The following NCAM1 variants were observed in gnomAD, a reference collection of about 807,000 sequenced individuals.
NCAM1 encodes the protein antigen recognized by monoclonal antibody 5.1H11.
NCAM1 carries 14 observed loss-of-function variants against 109.8 expected under a neutral mutation model. The observed-to-expected ratio is 0.13, with a 90% confidence interval of 0.08 to 0.20. The LOEUF (loss-of-function observed/expected upper bound fraction) is 0.20, where lower values mean the gene tolerates loss of function less well. NCAM1 is among the 10% of genes least tolerant of loss of function. NCAM1 has a pLI of 1.00. For missense variants in NCAM1, 774 were observed against 1,109.9 expected (o/e 0.70, Z 4.30); for synonymous variants, 418 against 442.9 (o/e 0.94, Z 0.70).
intron 1 of NCAM1, among the ~76,000 whole-genome samples, chr11:113,162,439 A>G (rs1330957728): frequency 1.3e-5 from 2 of 152,190 alleles, no homozygotes; most frequent in East Asian, 3.8e-4. Context: ...CAGGAGACCA[A>G]GGCGCCTGCT....
At chr11:113,259,990 C>T in intron 16 of NCAM1, 156 bp from the exon 17 acceptor site, 1 of 621,720 alleles carries the variant, frequency 1.6e-6, no homozygotes, top group Non-Finnish European at 2.7e-6. Flanking sequence ...TAGGCATGAG[C>T]CACCGCGCCC....
At chr11:113,140,124 C>T (rs1331115591) in intron 1 of NCAM1, among the ~76,000 whole-genome samples, 1 of 152,168 alleles carries the variant, frequency 6.6e-6, no homozygotes, top group Admixed American at 6.5e-5. Context: ...GAAGAAACAG[C>T]GCCCATTGTC....
intron 8 of NCAM1, among the ~76,000 whole-genome samples, chr11:113,215,225 T>G (rs1256510387): frequency 1.3e-5 from 2 of 152,198 alleles, no homozygotes; most frequent in African/African-American, 4.8e-5. Context: ...ATATAAAAAC[T>G]GAGGTGACCC....
At chr11:113,077,694 T>C (rs1555086396) in intron 1 of NCAM1, among the ~76,000 whole-genome samples, 1 of 152,006 alleles carries the variant, frequency 6.6e-6, no homozygotes, top group African/African-American at 2.4e-5. Context: ...AGTACTTTTT[T>C]TTTTTTTTTG....
chr11:113,204,240 A>T (rs1555112418), intron 2 of NCAM1, 46 bp from the exon 3 acceptor site: 2 of 1,489,946 alleles, frequency 1.3e-6, no homozygotes, highest in Non-Finnish European at 1.8e-6. Context: ...GGGACTTATT[A>T]GTCTTTTCGA....
intron 16 of NCAM1, 69 bp downstream of exon 16, chr11:113,256,070 A>G: frequency 1.3e-6 from 2 of 1,527,812 alleles, no homozygotes; most frequent in Non-Finnish European, 8.9e-7. Context: ...TAGGGAAACA[A>G]CAGGGGCAGC....
At chr11:113,075,899 GGCCTGTGC>G (rs1555086023) in intron 1 of NCAM1, among the ~76,000 whole-genome samples, 5 of 152,208 alleles carry the variant, frequency 3.3e-5, no homozygotes. Flanking sequence ...CTTGGCCAAT[GGCCTGTGC>G]TTACAGCTGT....
At chr11:113,153,655 G>T (rs888327355) in intron 1 of NCAM1, among the ~76,000 whole-genome samples, 2 of 152,200 alleles carry the variant, frequency 1.3e-5, no homozygotes, top group African/African-American at 2.4e-5. Context: ...GTGAGCAGTT[G>T]TATGTCTGAA....
At chr11:113,007,989 G>A (rs1951932074) in intron 1 of NCAM1, among the ~76,000 whole-genome samples, 4 of 152,198 alleles carry the variant, frequency 2.6e-5, no homozygotes, top group African/African-American at 7.2e-5. Context: ...ATAATAGGTG[G>A]AAAATAAAAA....
intron 8 of NCAM1, among the ~76,000 whole-genome samples, chr11:113,217,901 C>A (rs190576616): frequency 2.0e-5 from 3 of 152,258 alleles, no homozygotes; most frequent in Admixed American, 6.5e-5. Context: ...CTGTTAAATG[C>A]CAGTAGCCAC....
chr11:113,030,037 TG>T (rs1329122856), intron 1 of NCAM1, among the ~76,000 whole-genome samples: 2 of 145,086 alleles, frequency 1.4e-5, no homozygotes, highest in African/African-American at 2.5e-5. Context: ...CTATGTACCT[TG>T]GGGGTTGGTG....
At chr11:113,220,114 A>G (rs1274492479) in intron 8 of NCAM1, among the ~76,000 whole-genome samples, 2 of 152,206 alleles carry the variant, frequency 1.3e-5, no homozygotes, top group African/African-American at 4.8e-5. Flanking sequence ...AAAAAGAACA[A>G]TGCAGCTATC....
At chr11:113,186,817 A>T (rs919800651) in intron 1 of NCAM1, among the ~76,000 whole-genome samples, 1 of 152,218 alleles carries the variant, frequency 6.6e-6, no homozygotes, top group Non-Finnish European at 1.5e-5. Context: ...ATGCAACAGG[A>T]TATTCACACA....
intron 1 of NCAM1, among the ~76,000 whole-genome samples, chr11:113,112,740 T>C (rs1591336081): frequency 6.6e-6 from 1 of 152,338 alleles, no homozygotes; most frequent in East Asian, 1.9e-4. Context: ...ATTCTCTGCC[T>C]CTTCTATGTG....
intron 16 of NCAM1, among the ~76,000 whole-genome samples, chr11:113,256,912 A>G (rs1158657824): frequency 6.6e-6 from 1 of 152,214 alleles, no homozygotes; most frequent in African/African-American, 2.4e-5. Context: ...CATAGCCCCA[A>G]GGAAGACTTT....
chr11:113,240,578 T>G (rs1555118940), intron 14 of NCAM1: 1 of 577,422 alleles, frequency 1.7e-6, no homozygotes. Context: ...GTTTGGCAGG[T>G]GCACAGTCTC....
chr11:113,005,937 T>C lies in NCAM1; in HGVS notation c.52+44273T>C, dbSNP rs950240267. Among the ~76,000 whole-genome samples the C allele has an allele frequency of 2.0e-5, 3 of 152,212 alleles. No homozygotes were observed. In the East Asian group the frequency reaches 5.8e-4, roughly 29 times the overall value. On this transcript the variant is annotated intron_variant, in intron 1 of 19. Coordinates refer to ENST00000316851, the MANE Select transcript of NCAM1 (RefSeq NM_181351.5). ...AACTGTTTTCACTACGTCTCCAGTGTAGAACTTCAACCAATTTTCTCTAAA... is the reference window on the plus strand; with the variant it reads ...AACTGTTTTCACTACGTCTCCAGTGCAGAACTTCAACCAATTTTCTCTAAA...
intron 3 of NCAM1, 47 bp downstream of exon 3, chr11:113,204,551 A>C (rs782416336): frequency 1.3e-6 from 2 of 1,575,614 alleles, no homozygotes; most frequent in Non-Finnish European, 1.7e-6. Context: ...CTCCTTGCCA[A>C]GGAGACATGT....
At chr11:113,075,168 G>A (rs1817853402) in intron 1 of NCAM1, among the ~76,000 whole-genome samples, 1 of 152,094 alleles carries the variant, frequency 6.6e-6, no homozygotes, top group South Asian at 2.1e-4. Flanking sequence ...TCTGGCTCAA[G>A]CAATCCTCCT....
Sources: allele counts gnomAD v4.1 joint callset (sites outside exome capture counted in the v4.1 genomes callset), GRCh38; gene constraint gnomAD v4.1.1; transcripts MANE v1.5; gene names NCBI Gene and HGNC (gene_info 2026-07-23, HGNC 2026-07-21).